The following BCL6 variants were observed in gnomAD, a reference collection of about 807,000 sequenced individuals.
BCL6 encodes the protein B-cell lymphoma 6 protein.
BCL6 carries 7 observed loss-of-function variants against 59.5 expected under a neutral mutation model. That is an observed-to-expected ratio of 0.12 (90% CI 0.07 to 0.22). The LOEUF is 0.22. Ranked by LOEUF, BCL6 falls within the 10% of genes least tolerant of loss-of-function variation. The pLI, the probability that BCL6 is intolerant of heterozygous loss-of-function variation, is 1.00. For missense variants in BCL6, 685 were observed against 939.4 expected (o/e 0.73, Z 3.54); for synonymous variants, 339 against 349.7 (o/e 0.97, Z 0.34).
chr3:187,732,002 C>T, intron 3 of BCL6, 72 bp from the exon 4 acceptor site: 1 of 1,323,012 alleles, frequency 7.6e-7, no homozygotes, highest in Non-Finnish European at 1.1e-6. Flanking sequence ...AGCACTGATA[C>T]TCAGCCCCTT....
chr3:187,732,212 A>G (rs1196161048), intron 3 of BCL6, among the ~76,000 whole-genome samples: 1 of 152,140 alleles, frequency 6.6e-6, no homozygotes, highest in Non-Finnish European at 1.5e-5. Context: ...AATATTCTTA[A>G]AGTCACAGGG....
chr3:187,738,464 G>T (rs1371288679), intron 1 of BCL6, among the ~76,000 whole-genome samples: 1 of 152,200 alleles, frequency 6.6e-6, no homozygotes, highest in East Asian at 1.9e-4. Context: ...CTGCCAAGCC[G>T]TAAGGATTTC....
intron 4 of BCL6, among the ~76,000 whole-genome samples, chr3:187,730,847 C>T (rs140727772): frequency 6.6e-6 from 1 of 152,146 alleles, no homozygotes; most frequent in Non-Finnish European, 1.5e-5. Flanking sequence ...GGAGCTAGAA[C>T]CCATAAGAAG....
At chr3:187,727,744 A>AT (rs1718792680) in intron 6 of BCL6, among the ~76,000 whole-genome samples, 1 of 152,212 alleles carries the variant, frequency 6.6e-6, no homozygotes, top group African/African-American at 2.4e-5. Context: ...AGTCACGGTG[A>AT]TTTTACCCTG....
intron 4 of BCL6, among the ~76,000 whole-genome samples, chr3:187,730,619 C>T (rs191654964): frequency 3.9e-5 from 6 of 152,302 alleles, no homozygotes; most frequent in Non-Finnish European, 8.8e-5. Context: ...ACCTGGTTTG[C>T]AAACCTAGCT....
Position 187,729,145 on chromosome 3 carries a change from A to C in BCL6, c.1260T>G (p.Pro420=). 6.2e-7 allele frequency: 1 copy of C among 1,601,058 alleles called. No individual in the cohort carries two copies. Among genetic ancestry groups the C allele is most frequent in the Non-Finnish European group, 8.5e-7 (1 of 1,172,186 alleles). Residue 420 remains proline (P), a synonymous_variant, in exon 5 of 10, where the codon CCT becomes CCG. Coordinates refer to ENST00000406870, the MANE Select transcript of BCL6 (RefSeq NM_001706.5). This position sits in a 1 kb window ranked among gnomAD's most constrained non-coding sequence, Gnocchi z 5.6. ...APPACQPPME[P]ENLDLQSPTK... ...TTGGGGACTGGAGGTCAAGGTTCTC[A>C]GGCTCCATGGGTGGCTGGCAGGCAG... is the stretch of plus-strand genomic sequence containing the variant.
chr3:187,745,016 C>CG, intron 1 of BCL6, among the ~76,000 whole-genome samples: 1 of 152,110 alleles, frequency 6.6e-6, no homozygotes, highest in Middle Eastern at 3.4e-3. Flanking sequence ...CGGCCGCCCC[C>CG]TAATTCCCCT....
chr3:187,744,752 G>A (rs1423884572), intron 1 of BCL6, among the ~76,000 whole-genome samples: 5 of 152,208 alleles, frequency 3.3e-5, no homozygotes, highest in South Asian at 4.1e-4. Flanking sequence ...ACAGGGGAAG[G>A]GAAGGAAGAA....
At position 187,725,076 on chromosome 3, in the gene BCL6, C is replaced by A. The variant is rs764425887; in HGVS notation, c.1842G>T (p.Val614=). Residue 614 remains valine, a splice_region_variant and synonymous_variant, in exon 9 of 10, where the codon GTG becomes GTT. Transcript: ENST00000406870. This position sits in a 1 kb window ranked among gnomAD's most constrained non-coding sequence, Gnocchi z 4.7. ...CETCGARFVQ[V]AHLRAHVLIH... ...TAAGCACATGGGCACGGAGGTGGGC[C>A]ACCTGAACGAAGAAGAAGGCATGAG... is the stretch of plus-strand genomic sequence containing the variant. 1 of 1,613,992 alleles carries A rather than the reference C, an allele frequency of 6.2e-7. No individual in the cohort carries two copies. The highest frequency in any genetic ancestry group is 1.1e-5 in the South Asian group (1 of 91,076).
intron 1 of BCL6, among the ~76,000 whole-genome samples, chr3:187,741,319 A>T (rs1463893644): frequency 2.6e-5 from 4 of 152,182 alleles, no homozygotes; most frequent in Admixed American, 1.3e-4. Flanking sequence ...AAGGGAAAGA[A>T]GGTGCACTTG....
intron 5 of BCL6, 125 bp from the exon 6 acceptor site, chr3:187,728,669 G>T: frequency 1.1e-6 from 1 of 943,912 alleles, no homozygotes; most frequent in Non-Finnish European, 1.5e-6. Flanking sequence ...TGAGACCCCA[G>T]AGTTGTCCTC....
In BCL6 at chr3:187,745,395, A is replaced by C; in HGVS notation, c.-50+15T>G. The C allele has an allele frequency of 2.5e-6, 1 of 402,618 alleles. No homozygotes were observed. The highest frequency in any genetic ancestry group is 4.4e-6 in the Non-Finnish European group (1 of 228,272). 24.9% of individuals were successfully genotyped at this position (402,618 alleles called of 1,614,324 possible). The stretch of plus-strand genomic sequence containing the variant: ...CAGTAGCAGCAGCAGCGGCGGCAGC[A>C]ACAGCAATAATCACCTGGTGTCCGG... On this transcript the variant is annotated intron_variant, in intron 1 of 9. Coordinates refer to ENST00000406870, the MANE Select transcript of BCL6 (RefSeq NM_001706.5).
chr3:187,733,928 G>T (rs1719166116), intron 2 of BCL6: 2 of 548,824 alleles, frequency 3.6e-6, no homozygotes, highest in South Asian at 4.0e-5. Flanking sequence ...AGCCCTTTAG[G>T]GGAAAAGCAA....
At chr3:187,743,589 A>G (rs1311984230) in intron 1 of BCL6, among the ~76,000 whole-genome samples, 2 of 152,188 alleles carry the variant, frequency 1.3e-5, no homozygotes, top group African/African-American at 4.8e-5. Flanking sequence ...TTTAAAACTC[A>G]TTATTGCAAC....
intron 1 of BCL6, among the ~76,000 whole-genome samples, chr3:187,743,892 A>G (rs1711730387): frequency 6.6e-6 from 1 of 152,222 alleles, no homozygotes; most frequent in African/African-American, 2.4e-5. Flanking sequence ...TATTTTTGCA[A>G]AATCACTCAC....
intron 6 of BCL6, 85 bp downstream of exon 6, chr3:187,728,275 A>G: frequency 1.5e-6 from 2 of 1,337,154 alleles, no homozygotes; most frequent in South Asian, 2.9e-5. Context: ...CAGAGACAAC[A>G]GCATAAGTAA....
intron 9 of BCL6, 36 bp from the exon 10 acceptor site, chr3:187,722,637 T>C: frequency 6.2e-7 from 1 of 1,602,198 alleles, no homozygotes. Flanking sequence ...TTAGCTGTCA[T>C]CAACCCAAGA....
At position 187,731,636 on chromosome 3, in the gene BCL6, A is replaced by G. The variant is rs771571254; in HGVS notation, c.383+73T>C. 7 of 1,461,536 alleles carry G rather than the reference A, an allele frequency of 4.8e-6. No individual in the cohort carries two copies. The East Asian group carries it at 1.6e-4, about 33-fold the overall frequency. 90.5% of individuals were successfully genotyped at this position (1,461,536 alleles called of 1,614,324 possible). On this transcript the variant is annotated intron_variant, in intron 4 of 9. Coordinates refer to ENST00000406870, the MANE Select transcript of BCL6 (RefSeq NM_001706.5). ...ATAGAGGAGTATTTTTTCTGTATGC[A>G]TGAATTATCAAAGGTTTCTGATCGG... is the stretch of plus-strand genomic sequence containing the variant.
At position 187,725,395 on chromosome 3, in the gene BCL6, C is replaced by T; in HGVS notation, c.1839+104G>A. On this transcript the variant is annotated intron_variant, in intron 8 of 9. Coordinates refer to ENST00000406870, the MANE Select transcript of BCL6 (RefSeq NM_001706.5). The surrounding 1 kb of genome is among the most constrained non-coding windows in gnomAD (Gnocchi z 4.7). ...TCACCTGCCCGCTCCGCTTGCCTGC[C>T]CGCTCCACTTGCCTGCCCACTCCTC... 6.4e-7 allele frequency: 1 copy of T among 1,557,412 alleles called. No homozygotes were observed. Among genetic ancestry groups the T allele is most frequent in the South Asian group, 1.2e-5 (1 of 84,028 alleles).
Sources: gnomAD v4.1 joint callset for allele counts (sites outside exome capture counted in the v4.1 genomes callset) on GRCh38, gnomAD v4.1.1 for gene constraint, Gnocchi (gnomAD v3.1) non-coding constraint, MANE v1.5 for transcripts, NCBI Gene and HGNC (gene_info 2026-07-23, HGNC 2026-07-21) for gene names.